The following UBA6 variants were observed in gnomAD, a reference collection of about 807,000 sequenced individuals.
The protein encoded by UBA6 is ubiquitin like modifier activating enzyme 6.
UBA6 carries 87 observed loss-of-function variants against 148.3 expected under a neutral mutation model. The ratio of observed to expected loss-of-function variants is 0.59; its 90% CI spans 0.49 to 0.70. The LOEUF (loss-of-function observed/expected upper bound fraction) is 0.70, where lower values mean the gene tolerates loss of function less well. UBA6 is among the 30% of genes least tolerant of loss of function. UBA6 has a pLI of 0.00. For synonymous variants in UBA6, 376 were observed against 401.0 expected (o/e 0.94, Z 0.75); for missense variants, 1,186 against 1,241.2 (o/e 0.96, Z 0.67).
At chr4:67,637,153 C>G (rs561972617) in intron 19 of UBA6, among the ~76,000 whole-genome samples, 5 of 149,768 alleles carry the variant, frequency 3.3e-5, no homozygotes, top group Non-Finnish European at 4.5e-5. Context: ...CGTCTCCGCC[C>G]GGCAGCCGCC....
At chr4:67,660,484 C>T (rs1729821133) in intron 13 of UBA6, among the ~76,000 whole-genome samples, 1 of 152,204 alleles carries the variant, frequency 6.6e-6, no homozygotes, top group African/African-American at 2.4e-5. Context: ...GGGACAAGCC[C>T]TAAGCCTTGG....
intron 19 of UBA6, 75 bp from the exon 20 acceptor site, chr4:67,635,633 T>C: frequency 1.2e-6 from 1 of 854,170 alleles, no homozygotes; most frequent in African/African-American, 1.7e-5. Flanking sequence ...CCTACAACTT[T>C]CTATTGACCA....
At position 67,677,640 on chromosome 4, in the gene UBA6, T is replaced by C. The variant is rs761580530; in HGVS notation, c.436A>G (p.Thr146Ala). The change falls in exon 6 of 33, where the codon ACA (threonine) becomes GCA (alanine). Residue 146 changes from threonine (T) to alanine (A), a missense_variant. By Grantham distance (58) the Thr-to-Ala change is moderately conservative. Transcript: ENST00000322244. ...TATTTATCTAAAAAGGAGAGATCTG[T>C]GGTCTCATTGAAAGGAACAGAAGAT... ...TSSSVPFNET[T>A]DLSFLDKYQC... is the part of the protein sequence containing the mutation. 1.9e-6 allele frequency: 3 copies of C among 1,595,004 alleles called. No homozygotes were observed. The highest frequency in any genetic ancestry group is 2.6e-6 in the Non-Finnish European group (3 of 1,164,782).
intron 14 of UBA6, 144 bp downstream of exon 14, chr4:67,648,922 AGT>A: frequency 1.3e-6 from 1 of 773,270 alleles, no homozygotes; most frequent in Non-Finnish European, 2.0e-6. Context: ...CATAGAATCA[AGT>A]GTTGGAGGCA....
intron 4 of UBA6, among the ~76,000 whole-genome samples, chr4:67,678,832 C>G (rs376312623): frequency 3.9e-5 from 6 of 152,104 alleles, no homozygotes; most frequent in African/African-American, 1.2e-4. Context: ...TCAACCTCAA[C>G]GGAAAGGAAT....
intron 3 of UBA6, among the ~76,000 whole-genome samples, 154 bp downstream of exon 3, chr4:67,681,965 C>A (rs1324606334): frequency 6.6e-6 from 1 of 152,110 alleles, no homozygotes. Context: ...AATATAACAT[C>A]ACGAAATAGT....
chr4:67,696,836 T>C, intron 1 of UBA6, 129 bp from the exon 2 acceptor site: 1 of 652,448 alleles, frequency 1.5e-6, no homozygotes, highest in Non-Finnish European at 2.6e-6. Flanking sequence ...ACAACCACTT[T>C]ACTTATATTT....
At chr4:67,700,677 AC>A (rs1319165299) in intron 1 of UBA6, among the ~76,000 whole-genome samples, 1 of 152,066 alleles carries the variant, frequency 6.6e-6, no homozygotes, top group African/African-American at 2.4e-5. Flanking sequence ...CTTTCTTTTT[AC>A]GGAAAGGAGG....
chr4:67,646,626 G>T, intron 15 of UBA6, 98 bp downstream of exon 15: 2 of 832,378 alleles, frequency 2.4e-6, no homozygotes, highest in Non-Finnish European at 1.9e-6. Context: ...CTACAAAAGT[G>T]ATTTGGGAGA....
Position 67,614,712 on chromosome 4 carries a change from C to G in UBA6, c.*4285G>C, listed in dbSNP as rs1344245994. The G allele has an allele frequency of 2.0e-5, 3 of 152,094 alleles. No individual in the cohort carries two copies. The highest frequency in any genetic ancestry group is 4.4e-5 in the Non-Finnish European group (3 of 68,012). 9.4% of individuals were successfully genotyped at this position (152,094 alleles called of 1,614,324 possible). On this transcript the variant is annotated 3_prime_UTR_variant, in exon 33 of 33. Coordinates refer to ENST00000322244, the MANE Select transcript of UBA6 (RefSeq NM_018227.6). ...TCTAATTTTAAAACACTCATACTTC[C>G]TAGTACTTAACCATTAATAAATTGT...
intron 12 of UBA6, 191 bp downstream of exon 12, chr4:67,662,948 T>C: frequency 2.3e-6 from 1 of 433,586 alleles, no homozygotes. Context: ...TTAGTATGAT[T>C]CCACTTTTAT....
At chr4:67,690,125 A>G (rs1730660957) in intron 2 of UBA6, among the ~76,000 whole-genome samples, 1 of 152,078 alleles carries the variant, frequency 6.6e-6, no homozygotes, top group South Asian at 2.1e-4. Context: ...CAGACAGTTG[A>G]GGTAAAAAGG....
intron 32 of UBA6, among the ~76,000 whole-genome samples, chr4:67,620,139 CAAAA>C (rs1053092553): frequency 6.7e-6 from 1 of 150,080 alleles, no homozygotes; most frequent in African/African-American, 2.4e-5. Flanking sequence ...TGAGTCATTC[CAAAA>C]AAAAAGTGAA....
chr4:67,629,026 C>T (rs1728936803), intron 27 of UBA6, 45 bp downstream of exon 27: 8 of 1,399,464 alleles, frequency 5.7e-6, no homozygotes, highest in Non-Finnish European at 8.1e-6. Flanking sequence ...GGTACAAGTC[C>T]AAATTCCCAA....
At chr4:67,652,486 GA>G (rs1221346157) in intron 13 of UBA6, among the ~76,000 whole-genome samples, 6 of 152,206 alleles carry the variant, frequency 3.9e-5, no homozygotes, top group African/African-American at 1.2e-4. Context: ...CTTCTGGTGA[GA>G]ATACAAAACG....
At chr4:67,634,677 G>A (rs1467395116) in intron 20 of UBA6, among the ~76,000 whole-genome samples, 159 bp from the exon 21 acceptor site, 1 of 152,084 alleles carries the variant, frequency 6.6e-6, no homozygotes, top group Admixed American at 6.5e-5. Context: ...AATAAGAGAA[G>A]TTAATTCTTT....
intron 13 of UBA6, among the ~76,000 whole-genome samples, chr4:67,653,605 C>T (rs1280021096): frequency 2.0e-5 from 3 of 152,162 alleles, no homozygotes; most frequent in Non-Finnish European, 4.4e-5. Flanking sequence ...GCCAAAAATT[C>T]TAAAAACCAG....
At chr4:67,636,339 A>G (rs990321820) in intron 19 of UBA6, among the ~76,000 whole-genome samples, 13 of 152,180 alleles carry the variant, frequency 8.5e-5, no homozygotes, top group Non-Finnish European at 7.4e-5. Flanking sequence ...GGGGGAAAAG[A>G]AAGTCTGTTT....
Position 67,624,242 on chromosome 4 carries a change from C to G in UBA6, c.2724G>C (p.Glu908Asp). ...TATVSGLVAL[E>D]MIKVTGGYPF... is the part of the protein sequence containing the mutation. Reference sequence around the variant, plus strand: ...GATAGCCACCAGTTACTTTGATCATCTCCAAGGCAACCTAGATAAAAGAAG... The same window carrying G: ...GATAGCCACCAGTTACTTTGATCATGTCCAAGGCAACCTAGATAAAAGAAG... The change falls in exon 30 of 33, where the codon GAG (glutamate) becomes GAC (aspartate). Residue 908 changes from glutamate (E) to aspartate (D), a missense_variant. Physicochemically the swap from Glu to Asp is conservative, Grantham distance 45 (BLOSUM62 2). Coordinates refer to ENST00000322244, the MANE Select transcript of UBA6 (RefSeq NM_018227.6). 1 of 1,603,906 alleles carries G rather than the reference C, an allele frequency of 6.2e-7. No homozygotes were observed. The highest frequency in any genetic ancestry group is 8.5e-7 in the Non-Finnish European group (1 of 1,176,584).
Sources: allele counts gnomAD v4.1 joint callset (sites outside exome capture counted in the v4.1 genomes callset), GRCh38; gene constraint gnomAD v4.1.1; transcripts MANE v1.5; gene names NCBI Gene and HGNC (gene_info 2026-07-23, HGNC 2026-07-21).